TTF2: variants seen among roughly 807,000 people sequenced by gnomAD.
TTF2 encodes the protein transcription termination factor 2.
TTF2 carries 108 observed loss-of-function variants against 142.4 expected under a neutral mutation model. The ratio of observed to expected loss-of-function variants is 0.76; its 90% CI spans 0.65 to 0.89. The LOEUF (loss-of-function observed/expected upper bound fraction) is 0.89, where lower values mean the gene tolerates loss of function less well. Among genes scored for constraint, TTF2 ranks in the 40% least tolerant of loss-of-function variants. The probability of loss-of-function intolerance (pLI) is 0.00; values close to 1 mark genes in which losing one functional copy is unlikely to be tolerated. For synonymous variants in TTF2, 483 were observed against 506.2 expected, an observed-to-expected ratio of 0.95 and a Z score of 0.61; for missense variants, 1,327 against 1,379.8, an observed-to-expected ratio of 0.96 and a Z score of 0.61.
At position 117,091,885 on chromosome 1, in the gene TTF2, G is replaced by A. The variant is rs34135400; in HGVS notation, c.2740G>A (p.Val914Ile). 1,201 of 1,613,438 alleles carry A rather than the reference G, an allele frequency of 7.4e-4. 13 individuals carry two copies. The African/African-American group carries it at 0.014, about 18-fold the overall frequency. ...AGCAGACTCACCGAGATCCAGCACC[G>A]TCCACATACTGTCCCAGTTGCTGAG... ...EAADSPRSST[V>I]HILSQLLRLR... Residue 914 changes from valine to isoleucine, a missense_variant, in exon 17 of 23, where the codon GTC becomes ATC. Physicochemically the swap from Val to Ile is conservative, Grantham distance 29. Transcript: ENST00000369466.
Position 117,093,030 on chromosome 1 carries a change from C to A in TTF2, c.2976+129C>A. On this transcript the variant is annotated intron_variant, in intron 18 of 22. Transcript: ENST00000369466. This position sits in a 1 kb window ranked among gnomAD's most constrained non-coding sequence, Gnocchi z 4.5. ...CAGAGCTAGAGCCGTTAAATTCTAGCTGATCAGATTCTCCCTCCAGTCTTA... is the reference window on the plus strand; with the variant it reads ...CAGAGCTAGAGCCGTTAAATTCTAGATGATCAGATTCTCCCTCCAGTCTTA... The A allele has an allele frequency of 9.7e-7, 1 of 1,030,028 alleles. No individual in the cohort carries two copies. The highest frequency in any genetic ancestry group is 2.5e-5 in the Admixed American group (1 of 40,816). The allele number at this position is 1,030,028 out of a possible 1,614,324, so 63.8% of individuals were successfully genotyped here.
intron 3 of TTF2, among the ~76,000 whole-genome samples, chr1:117,064,808 T>C (rs1422965671): frequency 1.3e-5 from 2 of 150,272 alleles, no homozygotes; most frequent in Non-Finnish European, 3.0e-5. Flanking sequence ...TGTGAGCTAC[T>C]GCACCTGGCC....
In TTF2 at chr1:117,090,387, A is replaced by G. The variant is rs1648461767; in HGVS notation, c.2497-145A>G. 5.4e-6 allele frequency: 6 copies of G among 1,101,478 alleles called. No homozygotes were observed. Among genetic ancestry groups the G allele is most frequent in the South Asian group, 3.1e-5 (2 of 64,270 alleles). 68.2% of individuals were successfully genotyped at this position (1,101,478 alleles called of 1,614,324 possible). A position where few individuals can be genotyped will look rare whatever the true frequency, so the allele number is the denominator to read the frequency against. On this transcript the variant is annotated intron_variant, in intron 14 of 22. Transcript: ENST00000369466. The surrounding 1 kb of genome is among the most constrained non-coding windows in gnomAD (Gnocchi z 4.8). The stretch of plus-strand genomic sequence containing the variant: ...TGTCATAGCAATCCAGTTGTACTGT[A>G]TGTTGGAGCAGTCCTGTGTCTAAGA...
In TTF2 at chr1:117,085,711, AGT is replaced by A. The variant is rs1472189382; in HGVS notation, c.2055-704_2055-703del. ...TTTATTTACTTTTGAGACAGGATAG[AGT>A]GAGACCCTACCTTGTCTCAAAAAAT... On this transcript the variant is annotated intron_variant, in intron 11 of 22. Coordinates refer to ENST00000369466, the MANE Select transcript of TTF2 (RefSeq NM_003594.4). The surrounding 1 kb of genome is among the most constrained non-coding windows in gnomAD (Gnocchi z 4.7). Among the ~76,000 whole-genome samples, 2 of 152,026 alleles carry A rather than the reference AGT, an allele frequency of 1.3e-5. No individual in the cohort carries two copies. Among genetic ancestry groups the A allele is most frequent in the Non-Finnish European group, 2.9e-5 (2 of 68,012 alleles).
At position 117,065,988 on chromosome 1, in the gene TTF2, C is replaced by CTTTT. The variant is rs544726052; in HGVS notation, c.218+3541_218+3544dup. Among the ~76,000 whole-genome samples the CTTTT allele has an allele frequency of 4.5e-4, 44 of 97,982 alleles. 5 individuals are homozygous for CTTTT. Among genetic ancestry groups the CTTTT allele is most frequent in the African/African-American group, 1.7e-3 (35 of 21,044 alleles). 64.3% of individuals were successfully genotyped at this position (97,982 alleles called of 152,430 possible). ...CTACCATTGAAAGCCCACTATATACCTTTTTTTTTTTTTTTTTTTTTTTTT... is the reference window on the plus strand; with the variant it reads ...CTACCATTGAAAGCCCACTATATACCTTTTTTTTTTTTTTTTTTTTTTTTTTTTT... On this transcript the variant is annotated intron_variant, in intron 3 of 22. Coordinates refer to ENST00000369466, the MANE Select transcript of TTF2 (RefSeq NM_003594.4).
chr1:117,089,939 G>A (rs556913125), intron 13 of TTF2, 116 bp from the exon 14 acceptor site: 1 of 1,212,972 alleles, frequency 8.2e-7, no homozygotes, highest in Admixed American at 2.4e-5. Flanking sequence ...AAAGTGATTG[G>A]ATGACAGGTG....
rs1370807946 is a variant in TTF2 at position 117,075,408 on chromosome 1, C to T, written c.824C>T (p.Pro275Leu). ...CACAGTCACAACTCAATAAGCAAGC[C>T]CCAGAAAGGGGGACCCCTCAACAAG... ...NVHSHNSISKPQKGGPLNKEY... is the reference protein window; with the variant it reads ...NVHSHNSISKLQKGGPLNKEY... Residue 275 changes from proline (P) to leucine (L), a missense_variant, in exon 5 of 23, where the codon CCC becomes CTC. Physicochemically the swap from Pro to Leu is moderately conservative, Grantham distance 98 (BLOSUM62 -3). Transcript: ENST00000369466. The surrounding 1 kb of genome is among the most constrained non-coding windows in gnomAD (Gnocchi z 4.5). The T allele has an allele frequency of 6.2e-7, 1 of 1,613,976 alleles. No homozygotes were observed. Among genetic ancestry groups the T allele is most frequent in the Non-Finnish European group, 8.5e-7 (1 of 1,179,990 alleles).
rs963765386 is a variant in TTF2 at position 117,087,887 on chromosome 1, A to G, written c.2161-914A>G. ...AGCACCTTGTGCTTACATAAGTTAT[A>G]GCACTTTGTTTCTTCAGCAGACGTT... On this transcript the variant is annotated intron_variant, in intron 12 of 22. Transcript: ENST00000369466. This position sits in a 1 kb window ranked among gnomAD's most constrained non-coding sequence, Gnocchi z 4.8. Among the ~76,000 whole-genome samples the G allele has an allele frequency of 1.3e-5, 2 of 152,198 alleles. No homozygotes were observed. The highest frequency in any genetic ancestry group is 2.4e-5 in the African/African-American group (1 of 41,434).
At position 117,103,405 on chromosome 1, in the gene TTF2, T is replaced by G. The variant is rs1424748520; in HGVS notation, c.*1881T>G. 1.3e-5 allele frequency: 2 copies of G among 152,262 alleles called. No homozygotes were observed. The highest frequency in any genetic ancestry group is 2.4e-5 in the African/African-American group (1 of 41,470). 9.4% of individuals were successfully genotyped at this position (152,262 alleles called of 1,614,324 possible). A position where few individuals can be genotyped will look rare whatever the true frequency, so the allele number is the denominator to read the frequency against. On this transcript the variant is annotated 3_prime_UTR_variant, in exon 23 of 23. Transcript: ENST00000369466. ...ATTGTTCCAAAAACACTTACTCTGC[T>G]AATTTCTGCTAGAAAGAATCACAGT...
intron 3 of TTF2, among the ~76,000 whole-genome samples, chr1:117,068,689 C>T (rs1407647489): frequency 6.6e-6 from 1 of 152,112 alleles, no homozygotes; most frequent in Non-Finnish European, 1.5e-5. Flanking sequence ...TGAAATTGAC[C>T]TGCAGATTAT....
intron 4 of TTF2, 41 bp from the exon 5 acceptor site, chr1:117,074,829 G>A (rs980899551): frequency 6.0e-6 from 9 of 1,489,992 alleles, no homozygotes; most frequent in African/African-American, 5.7e-5. Flanking sequence ...TACGAAGTTT[G>A]TATTAATATT....
At position 117,096,272 on chromosome 1, in the gene TTF2, G is replaced by C; in HGVS notation, c.3159G>C (p.Glu1053Asp). ...VNPKQRMDLVEAFNHSRGPQV... is the reference protein window; with the variant it reads ...VNPKQRMDLVDAFNHSRGPQV... ...CCAAGCAGAGAATGGACTTGGTAGAGGCATTTAACCACTCCAGAGGCCCTC... is the reference window on the plus strand; with the variant it reads ...CCAAGCAGAGAATGGACTTGGTAGACGCATTTAACCACTCCAGAGGCCCTC... The change falls in exon 20 of 23, where the codon GAG (glutamate) becomes GAC (aspartate). Residue 1053 changes from glutamate to aspartate, a missense_variant. Glu to Asp is a conservative substitution (Grantham distance 45). Transcript: ENST00000369466. 6.2e-7 allele frequency: 1 copy of C among 1,614,156 alleles called. No individual in the cohort carries two copies. The highest frequency in any genetic ancestry group is 8.5e-7 in the Non-Finnish European group (1 of 1,180,022).
rs1303258490 is a variant in TTF2, at chr1:117,062,386, G to A, written c.132-1G>A. 2.5e-6 allele frequency: 4 copies of A among 1,611,688 alleles called. No homozygotes were observed. The South Asian group carries it at 3.3e-5, about 13-fold the overall frequency. On this transcript the variant is annotated splice_acceptor_variant, in intron 2 of 22. Transcript: ENST00000369466. LOFTEE classifies it high-confidence loss of function. ...GTTTTCAACTTTTTTCTTTTCTCTA[G>A]CATTCCTGTTTCCCATTGCTTATTG...
chr1:117,076,869 AGTTAC>A lies in TTF2; in HGVS notation c.1573+49_1573+53del, dbSNP rs1333209579. 1 of 1,548,472 alleles carries A rather than the reference AGTTAC, an allele frequency of 6.5e-7. No homozygotes were observed. Among genetic ancestry groups the A allele is most frequent in the African/African-American group, 1.4e-5 (1 of 73,332 alleles). On this transcript the variant is annotated intron_variant, in intron 7 of 22. Coordinates refer to ENST00000369466, the MANE Select transcript of TTF2 (RefSeq NM_003594.4). This position sits in a 1 kb window ranked among gnomAD's most constrained non-coding sequence, Gnocchi z 4.6. ...CCTGCTGTGAATAGCCACCCCTGTGAGTTACGTGCCACCCGGTACAGTAGTCACCT... is the reference window on the plus strand; with the variant it reads ...CCTGCTGTGAATAGCCACCCCTGTGAGTGCCACCCGGTACAGTAGTCACCT...
In TTF2 at chr1:117,078,032, G is replaced by A. The variant is rs752455144; in HGVS notation, c.1690G>A (p.Ala564Thr). 33 of 1,613,730 alleles carry A rather than the reference G, an allele frequency of 2.0e-5. No individual in the cohort carries two copies. Among genetic ancestry groups the A allele is most frequent in the Admixed American group, 8.3e-5 (5 of 59,982 alleles). Reference protein sequence around the residue: ...PGETVVAEDPAGLKVPLLLHQ... With the variant: ...PGETVVAEDPTGLKVPLLLHQ... ...TGAGACGGTTGTGGCAGAAGATCCC[G>A]CCGGGCTGAAGGTGAGCCAGGGAAG... Residue 564 changes from alanine to threonine, a missense_variant, in exon 8 of 23, where the codon GCC becomes ACC. Ala to Thr is a moderately conservative substitution (Grantham distance 58). Transcript: ENST00000369466.
At chr1:117,089,910 G>A (rs41276568) in intron 13 of TTF2, 145 bp from the exon 14 acceptor site, 12,851 of 874,566 alleles carry the variant, frequency 0.015, 128 homozygotes, top group Middle Eastern at 0.034. Context: ...GCAAAGGTTT[G>A]CTATGAAATT....
chr1:117,089,108 A>G, intron 13 of TTF2, 126 bp downstream of exon 13: 1 of 986,382 alleles, frequency 1.0e-6, no homozygotes, highest in Non-Finnish European at 1.4e-6. Context: ...CAGGCCTGTC[A>G]ACCTTTAAAG....
intron 10 of TTF2, among the ~76,000 whole-genome samples, chr1:117,083,281 C>A (rs1299154916): frequency 6.6e-6 from 1 of 151,608 alleles, no homozygotes; most frequent in Middle Eastern, 3.2e-3. Flanking sequence ...CATCTGCTCT[C>A]AGGGCCTCTA....
Position 117,101,514 on chromosome 1 carries a change from T to A in TTF2, c.3479T>A (p.Phe1160Tyr). 2 of 1,590,598 alleles carry A rather than the reference T, an allele frequency of 1.3e-6. No individual in the cohort carries two copies. Among genetic ancestry groups the A allele is most frequent in the Non-Finnish European group, 1.7e-6 (2 of 1,174,050 alleles). The change falls in exon 23 of 23, where the codon TTT becomes TAT. Residue 1160 changes from phenylalanine to tyrosine, a missense_variant. Phe to Tyr is a conservative substitution (Grantham distance 22). Coordinates refer to ENST00000369466, the MANE Select transcript of TTF2 (RefSeq NM_003594.4). The surrounding 1 kb of genome is among the most constrained non-coding windows in gnomAD (Gnocchi z 5.9). Reference protein sequence around the residue: ...KLTLADLRVLFGI With the variant: ...KLTLADLRVLYGI ...ACCTTGGCTGACCTCAGAGTCCTTT[T>A]TGGCATCTAACCTCCTGTGGATAAG...
Sources: allele counts gnomAD v4.1 joint callset (sites outside exome capture counted in the v4.1 genomes callset), GRCh38; gene constraint gnomAD v4.1.1; non-coding constraint Gnocchi (gnomAD v3.1); transcripts MANE v1.5; gene names NCBI Gene and HGNC (gene_info 2026-07-23, HGNC 2026-07-21).